RGL3: variants seen among roughly 807,000 people sequenced by gnomAD.
RGL3 encodes the protein ral guanine nucleotide dissociation stimulator like 3.
RGL3 carries 85 observed loss-of-function variants against 90.6 expected under a neutral mutation model. The ratio of observed to expected loss-of-function variants is 0.94; its 90% CI spans 0.79 to 1.12. RGL3 has a LOEUF of 1.12. Among genes scored for constraint, RGL3 ranks in the 50% most tolerant of loss-of-function variants. The probability of loss-of-function intolerance (pLI) is 0.00; values close to 1 mark genes in which losing one functional copy is unlikely to be tolerated. For synonymous variants in RGL3, 408 were observed against 385.5 expected, an observed-to-expected ratio of 1.06 and a Z score of -0.68; for missense variants, 1,034 against 939.2, an observed-to-expected ratio of 1.10 and a Z score of -1.32.
chr19:11,418,577 G>C, intron 2 of RGL3, 94 bp downstream of exon 2: 4 of 926,746 alleles, frequency 4.3e-6, no homozygotes, highest in Admixed American at 5.6e-5. Context: ...CCTTCCTTCC[G>C]CCCACTGCAC....
At chr19:11,394,727 A>G (rs896113902) in intron 18 of RGL3, 6 of 528,918 alleles carry the variant, frequency 1.1e-5, no homozygotes, top group Non-Finnish European at 2.1e-5. Context: ...GCCTTCCCTT[A>G]TCATAAGCCT....
chr19:11,398,905 G>A (rs73510690), intron 16 of RGL3, among the ~76,000 whole-genome samples: 23,374 of 151,796 alleles, frequency 0.15, 2,928 homozygotes, highest in African/African-American at 0.35. Context: ...TCTTGACCTC[G>A]TGATCCGCCC....
chr19:11,408,514 A>G (rs1451628841), intron 5 of RGL3, among the ~76,000 whole-genome samples: 1 of 151,696 alleles, frequency 6.6e-6, no homozygotes, highest in African/African-American at 2.4e-5. Context: ...TGAACCCTGG[A>G]GACGGAGCTT....
chr19:11,403,113 C>A (rs1259742006), intron 9 of RGL3, among the ~76,000 whole-genome samples: 1 of 151,764 alleles, frequency 6.6e-6, no homozygotes, highest in African/African-American at 2.4e-5. Flanking sequence ...CGGCTCACTG[C>A]AGGCTCCGCC....
At chr19:11,398,699 G>A (rs903314466) in intron 16 of RGL3, among the ~76,000 whole-genome samples, 2 of 149,674 alleles carry the variant, frequency 1.3e-5, no homozygotes, top group Admixed American at 6.7e-5. Context: ...AGGGAGCCTC[G>A]CTCTGTCACC....
At chr19:11,412,106 C>G (rs886729583) in intron 5 of RGL3, among the ~76,000 whole-genome samples, 7 of 151,744 alleles carry the variant, frequency 4.6e-5, no homozygotes, top group Non-Finnish European at 8.8e-5. Flanking sequence ...ATGGAGAAAC[C>G]CCCCTCTCTA....
At chr19:11,398,492 T>G (rs1019535668) in intron 16 of RGL3, among the ~76,000 whole-genome samples, 1 of 151,968 alleles carries the variant, frequency 6.6e-6, no homozygotes, top group Non-Finnish European at 1.5e-5. Context: ...ATTACAGGCC[T>G]GTGCCACTAT....
intron 2 of RGL3, chr19:11,418,415 T>G: frequency 3.6e-6 from 2 of 553,530 alleles, no homozygotes; most frequent in Non-Finnish European, 6.4e-6. Flanking sequence ...GCCGTCCAGT[T>G]CTGTCCTTAC....
chr19:11,396,149 TATATATATA>T (rs1188450979), intron 18 of RGL3, among the ~76,000 whole-genome samples: 1 of 78,362 alleles, frequency 1.3e-5, no homozygotes, highest in African/African-American at 5.7e-5. Context: ...TATATATATA[TATATATATA>T]TTTTTTTTTT....
intron 5 of RGL3, among the ~76,000 whole-genome samples, chr19:11,412,403 T>G (rs1423457900): frequency 2.6e-5 from 4 of 152,182 alleles, no homozygotes; most frequent in Admixed American, 2.0e-4. Flanking sequence ...TTTGTGAAAT[T>G]GATCATCGTT....
intron 13 of RGL3, among the ~76,000 whole-genome samples, chr19:11,401,224 CTAT>C (rs1372584654): frequency 1.8e-4 from 27 of 146,744 alleles, no homozygotes; most frequent in African/African-American, 7.0e-4. Flanking sequence ...TCAATTGTGA[CTAT>C]TTTTTTTTTT....
chr19:11,412,859 A>G (rs1482362700), intron 5 of RGL3, among the ~76,000 whole-genome samples: 1 of 151,910 alleles, frequency 6.6e-6, no homozygotes, highest in African/African-American at 2.4e-5. Flanking sequence ...CCAGCTACTC[A>G]GGAGGCTGAG....
intron 4 of RGL3, 58 bp from the exon 5 acceptor site, chr19:11,416,206 C>A: frequency 7.1e-5 from 71 of 996,822 alleles, no homozygotes; most frequent in Non-Finnish European, 9.5e-5. Flanking sequence ...TAGAATATGA[C>A]TCCTGGTACC....
Position 11,406,568 on chromosome 19 carries a change from C to T in RGL3, c.847G>A (p.Gly283Arg). 3 of 1,550,760 alleles carry T rather than the reference C, an allele frequency of 1.9e-6. No individual in the cohort carries two copies. The highest frequency in any genetic ancestry group is 2.6e-6 in the Non-Finnish European group (3 of 1,147,642). The change falls in exon 7 of 19, where the codon GGG becomes AGG. Residue 283 changes from glycine (G) to arginine (R), a missense_variant. Transcript: ENST00000380456. ...ACAGTGGGGGAGGCGCCTGCAGCCC[C>T]CGGCCGGTCCCTCTGCGACCACACG... ...GSVWSQRDRP[G>R]AAGASPTVRA...
rs199508921 is a variant in RGL3, at chr19:11,405,345, G to A, written c.1078C>T (p.Arg360Cys). 2 of 1,613,032 alleles carry A rather than the reference G, an allele frequency of 1.2e-6. No homozygotes were observed. Among genetic ancestry groups the A allele is most frequent in the Admixed American group, 1.7e-5 (1 of 59,740 alleles). Residue 360 changes from arginine to cysteine, a missense_variant, in exon 8 of 19, where the codon CGC becomes TGC. Transcript: ENST00000380456. ...CACCGGCTCACTGCCCCCCAGCTGC[G>A]CTTGAGCCGGTAGATGGGGTTAGAT... ...LQSNPIYRLK[R>C]SWGAVSREPL...
chr19:11,405,092 G>T, intron 9 of RGL3, 55 bp downstream of exon 9: 1 of 1,460,932 alleles, frequency 6.8e-7, no homozygotes, highest in Non-Finnish European at 9.6e-7. Flanking sequence ...CTGGCCCCAA[G>T]TCCCTCCCCC....
intron 10 of RGL3, 37 bp downstream of exon 10, chr19:11,402,613 G>T (rs775815121): frequency 6.2e-7 from 1 of 1,612,890 alleles, no homozygotes; most frequent in Non-Finnish European, 8.5e-7. Context: ...CTCCCTGAAG[G>T]TCCCACTTGT....
At chr19:11,410,558 T>G (rs1195570500) in intron 5 of RGL3, among the ~76,000 whole-genome samples, 3 of 151,860 alleles carry the variant, frequency 2.0e-5, no homozygotes, top group Non-Finnish European at 4.4e-5. Flanking sequence ...GATGCACACC[T>G]GCTGTCCCAC....
Position 11,399,955 on chromosome 19 carries a change from G to T in RGL3, c.1650-4C>A, listed in dbSNP as rs747650026. The T allele has an allele frequency of 1.8e-4, 284 of 1,567,306 alleles. 2 individuals carry two copies. In the Middle Eastern group the frequency reaches 3.6e-3, roughly 20 times the overall value. ...GGGGGGTGACCCTGGGGACACACTG[G>T]GGGAGATGCAGAGGCTGAGGTGGGG... is the stretch of plus-strand genomic sequence containing the variant. On this transcript the variant is annotated splice_region_variant and splice_polypyrimidine_tract_variant and intron_variant, in intron 15 of 18. Coordinates refer to ENST00000380456, the MANE Select transcript of RGL3 (RefSeq NM_001035223.4).
Sources: gnomAD v4.1 joint callset for allele counts (sites outside exome capture counted in the v4.1 genomes callset) on GRCh38, gnomAD v4.1.1 for gene constraint, MANE v1.5 for transcripts, NCBI Gene and HGNC (gene_info 2026-07-23, HGNC 2026-07-21) for gene names.